LAMA2: variants seen among roughly 807,000 people sequenced by gnomAD.
LAMA2 encodes laminin subunit alpha-2.
LAMA2 carries 269 observed loss-of-function variants against 364.8 expected under a neutral mutation model. The ratio of observed to expected loss-of-function variants is 0.74; its 90% CI spans 0.67 to 0.82. The LOEUF is 0.82. Ranked by LOEUF, LAMA2 falls within the 40% of genes least tolerant of loss-of-function variation. The pLI is 0.00. For missense variants in LAMA2, 3,807 were observed against 3,873.2 expected (o/e 0.98, Z 0.45); for synonymous variants, 1,379 against 1,370.6 (o/e 1.01, Z -0.14).
At position 129,341,816 on chromosome 6, in the gene LAMA2, T is replaced by A. The variant is rs983560491; in HGVS notation, c.4312-527T>A. Among the ~76,000 whole-genome samples, 8 of 152,346 alleles carry A rather than the reference T, an allele frequency of 5.3e-5. No homozygotes were observed. The South Asian group carries it at 1.4e-3, about 28-fold the overall frequency. ...GCAAGCATAAGAAAGAAGATATCGA[T>A]CTGAGATTGCTAGTTTTAGATTGAC... On this transcript the variant is annotated intron_variant, in intron 29 of 64. Coordinates refer to ENST00000421865, the MANE Select transcript of LAMA2 (RefSeq NM_000426.4).
At chr6:129,159,407 C>T (rs1290577099) in intron 8 of LAMA2, among the ~76,000 whole-genome samples, 4 of 152,198 alleles carry the variant, frequency 2.6e-5, no homozygotes, top group South Asian at 2.1e-4. Flanking sequence ...CGTCTCTTCC[C>T]GGGCTCCTTG....
At chr6:129,103,862 A>G (rs1371637489) in intron 4 of LAMA2, among the ~76,000 whole-genome samples, 1 of 152,108 alleles carries the variant, frequency 6.6e-6, no homozygotes, top group Non-Finnish European at 1.5e-5. Context: ...TTTAACGTGG[A>G]CAGCAGTATC....
intron 1 of LAMA2, among the ~76,000 whole-genome samples, chr6:128,960,521 G>A (rs1380851065): frequency 7.0e-6 from 1 of 142,304 alleles, no homozygotes; most frequent in South Asian, 2.4e-4. Context: ...CACCAAACCC[G>A]GCTAATTTTT....
At chr6:129,252,369 TGA>T in intron 14 of LAMA2, 74 bp downstream of exon 14, 2 of 1,158,832 alleles carry the variant, frequency 1.7e-6, no homozygotes, top group Admixed American at 3.5e-5. Flanking sequence ...GCCCCAGGAG[TGA>T]ATTTTTTAAG....
intron 37 of LAMA2, 140 bp from the exon 38 acceptor site, chr6:129,401,084 T>C: frequency 1.3e-6 from 1 of 741,078 alleles, no homozygotes; most frequent in Admixed American, 1.8e-5. Flanking sequence ...GTAGTTTATA[T>C]TTTTCTCATC....
chr6:129,427,154 T>C (rs1446973150), intron 40 of LAMA2, among the ~76,000 whole-genome samples: 1 of 152,218 alleles, frequency 6.6e-6, no homozygotes, highest in East Asian at 1.9e-4. Flanking sequence ...TGCTTGGAGA[T>C]AATTGTGGCT....
intron 10 of LAMA2, 131 bp from the exon 11 acceptor site, chr6:129,190,074 T>C (rs1048409240): frequency 3.3e-6 from 3 of 898,894 alleles, no homozygotes; most frequent in African/African-American, 3.3e-5. Flanking sequence ...TTTAAAAATA[T>C]CATTATACGT....
At chr6:129,296,567 C>T (rs977306641) in intron 20 of LAMA2, among the ~76,000 whole-genome samples, 8 of 152,020 alleles carry the variant, frequency 5.3e-5, no homozygotes, top group Admixed American at 2.0e-4. Flanking sequence ...TGTGATTTCA[C>T]TTTTATAACT....
At chr6:129,223,736 G>C (rs989201941) in intron 12 of LAMA2, among the ~76,000 whole-genome samples, 11 of 152,242 alleles carry the variant, frequency 7.2e-5, no homozygotes, top group African/African-American at 2.4e-4. Context: ...TGCTGTTTTG[G>C]TTACTGTAGC....
At chr6:129,171,463 G>T (rs938031245) in intron 9 of LAMA2, among the ~76,000 whole-genome samples, 1 of 151,918 alleles carries the variant, frequency 6.6e-6, no homozygotes, top group Admixed American at 6.6e-5. Flanking sequence ...TGAAATTCTG[G>T]GTTGAAAATT....
chr6:128,884,972 T>C (rs1225661015), intron 1 of LAMA2, among the ~76,000 whole-genome samples: 1 of 152,190 alleles, frequency 6.6e-6, no homozygotes, highest in East Asian at 1.9e-4. Flanking sequence ...CTCTCCCTTC[T>C]TATTTACTCT....
chr6:129,144,472 G>A (rs1000664923), intron 5 of LAMA2, among the ~76,000 whole-genome samples: 1 of 151,938 alleles, frequency 6.6e-6, no homozygotes, highest in Non-Finnish European at 1.5e-5. Context: ...CAGGGGCTTT[G>A]AAACATTTTT....
chr6:129,222,516 C>T (rs892085961), intron 12 of LAMA2, among the ~76,000 whole-genome samples: 22 of 126,176 alleles, frequency 1.7e-4, no homozygotes, highest in African/African-American at 5.3e-4. Context: ...CGACAGGCCC[C>T]GGTGTGTGAT....
chr6:129,292,839 G>A, intron 20 of LAMA2: 1 of 985,870 alleles, frequency 1.0e-6, no homozygotes, highest in Non-Finnish European at 1.2e-6. Flanking sequence ...GCGATTCTGT[G>A]TGCTATGTGA....
intron 22 of LAMA2, among the ~76,000 whole-genome samples, chr6:129,310,920 TA>T (rs1774179858): frequency 1.3e-5 from 2 of 151,960 alleles, no homozygotes; most frequent in Non-Finnish European, 2.9e-5. Flanking sequence ...TGCATGTCTG[TA>T]GAAGCTGCCC....
At chr6:129,305,600 C>T (rs1773816237) in intron 22 of LAMA2, among the ~76,000 whole-genome samples, 1 of 151,992 alleles carries the variant, frequency 6.6e-6, no homozygotes, top group African/African-American at 2.4e-5. Context: ...TGTATACCAC[C>T]ATGCCTAGCT....
At chr6:129,101,601 T>G (rs1775524460) in intron 4 of LAMA2, among the ~76,000 whole-genome samples, 1 of 152,184 alleles carries the variant, frequency 6.6e-6, no homozygotes, top group Non-Finnish European at 1.5e-5. Flanking sequence ...TAATTCAAAT[T>G]TAAATTTCAG....
intron 12 of LAMA2, among the ~76,000 whole-genome samples, chr6:129,215,106 A>T (rs1032433356): frequency 2.6e-5 from 4 of 152,148 alleles, no homozygotes; most frequent in Non-Finnish European, 4.4e-5. Flanking sequence ...ATTGACTTTT[A>T]TACCACCTTT....
At chr6:129,346,546 C>T (rs1308943312) in intron 30 of LAMA2, among the ~76,000 whole-genome samples, 1 of 151,846 alleles carries the variant, frequency 6.6e-6, no homozygotes, top group Non-Finnish European at 1.5e-5. Context: ...GATATGTGTC[C>T]TGTCCTGTAT....
Sources: gnomAD v4.1 joint callset for allele counts (sites outside exome capture counted in the v4.1 genomes callset) on GRCh38, gnomAD v4.1.1 for gene constraint, MANE v1.5 for transcripts, NCBI Gene and HGNC (gene_info 2026-07-23, HGNC 2026-07-21) for gene names.